Variants in RGS8 observed in about 807,000 individuals in gnomAD.
The protein encoded by RGS8 is regulator of G-protein signaling 8.
RGS8 carries 8 observed loss-of-function variants against 21.7 expected under a neutral mutation model. The observed-to-expected ratio is 0.37, with a 90% CI of 0.22 to 0.66. The LOEUF is 0.66. Among genes scored for constraint, RGS8 ranks in the 30% least tolerant of loss-of-function variants. The pLI is 0.59. For synonymous variants in RGS8, 80 were observed against 83.6 expected, an observed-to-expected ratio of 0.96 and a Z score of 0.24; for missense variants, 157 against 217.9, an observed-to-expected ratio of 0.72 and a Z score of 1.76.
the RGS8 span, among the ~76,000 whole-genome samples, chr1:182,727,572 A>T: frequency 2.6e-5 from 4 of 152,234 alleles, no homozygotes; most frequent in African/African-American, 9.6e-5. Context: ...AAATGGAATT[A>T]GATAACTAAA....
At chr1:182,657,938 A>G (rs768780541) in intron 5 of RGS8, among the ~76,000 whole-genome samples, 1 of 152,230 alleles carries the variant, frequency 6.6e-6, no homozygotes, top group Admixed American at 6.5e-5. Context: ...ACAGTTTGGG[A>G]AAATGGGAAG....
chr1:182,738,237 C>CT, the RGS8 span, among the ~76,000 whole-genome samples: 2 of 152,276 alleles, frequency 1.3e-5, no homozygotes, highest in South Asian at 4.1e-4. Context: ...AGAGCACAAG[C>CT]TATTCATTAG....
chr1:182,655,443 G>T (rs1663228518), intron 5 of RGS8, among the ~76,000 whole-genome samples: 2 of 152,248 alleles, frequency 1.3e-5, no homozygotes, highest in South Asian at 4.1e-4. Flanking sequence ...ATAGGCAGGA[G>T]AATTCAACTA....
the RGS8 span, among the ~76,000 whole-genome samples, chr1:182,703,924 T>C: frequency 6.6e-6 from 1 of 152,168 alleles, no homozygotes; most frequent in Admixed American, 6.5e-5. Context: ...CATTAACAAA[T>C]GGTACAGCAC....
At chr1:182,711,543 A>T in the RGS8 span, among the ~76,000 whole-genome samples, 1 of 152,246 alleles carries the variant, frequency 6.6e-6, no homozygotes, top group South Asian at 2.1e-4. Context: ...GGAGGAAAGG[A>T]GGACTGATAA....
chr1:182,698,698 G>A, the RGS8 span, among the ~76,000 whole-genome samples: 2 of 152,108 alleles, frequency 1.3e-5, no homozygotes, highest in East Asian at 1.9e-4. Context: ...ATATTATCAC[G>A]ATGAGAGTGA....
chr1:182,721,228 T>C, the RGS8 span, among the ~76,000 whole-genome samples: 1 of 151,874 alleles, frequency 6.6e-6, no homozygotes, highest in Non-Finnish European at 1.5e-5. Flanking sequence ...ATTTAGTGCC[T>C]ATCATGTCCC....
At chr1:182,669,135 T>C (rs545496094) in intron 3 of RGS8, among the ~76,000 whole-genome samples, 9 of 152,374 alleles carry the variant, frequency 5.9e-5, no homozygotes, top group African/African-American at 1.9e-4. Flanking sequence ...AAATATTCTT[T>C]GGGACAAAAT....
the RGS8 span, chr1:182,713,024 A>C: frequency 1.3e-5 from 2 of 152,222 alleles, no homozygotes; most frequent in African/African-American, 4.8e-5. Context: ...AAGTCAGCCA[A>C]AGTGGTATAA....
upstream of RGS8, chr1:182,672,739 T>C: frequency 6.5e-7 from 1 of 1,545,264 alleles, no homozygotes; most frequent in Non-Finnish European, 8.9e-7. Context: ...AGTGAGACTT[T>C]TCCTTTTGTT....
upstream of RGS8, chr1:182,672,319 A>C (rs115131184): frequency 2.8e-5 from 5 of 179,884 alleles, no homozygotes; most frequent in South Asian, 5.4e-4. Flanking sequence ...AGCCAGGAGG[A>C]GGGGGGCTGT....
At chr1:182,704,540 CCCAT>C in the RGS8 span, among the ~76,000 whole-genome samples, 1 of 152,320 alleles carries the variant, frequency 6.6e-6, no homozygotes, top group South Asian at 2.1e-4. Flanking sequence ...GCATCTTGGA[CCCAT>C]ATGCAGAATG....
chr1:182,734,408 A>G, the RGS8 span: 1 of 152,222 alleles, frequency 6.6e-6, no homozygotes, highest in Non-Finnish European at 1.5e-5. Context: ...ACAAGAAAAC[A>G]TCCCACCAGA....
chr1:182,720,968 TATATATAC>T, the RGS8 span, among the ~76,000 whole-genome samples: 3 of 53,052 alleles, frequency 5.7e-5, no homozygotes, highest in African/African-American at 1.8e-4. Context: ...CATATGTGTG[TATATATAC>T]ATATATACAC....
At chr1:182,721,001 A>G in the RGS8 span, among the ~76,000 whole-genome samples, 4 of 101,686 alleles carry the variant, frequency 3.9e-5, no homozygotes, top group South Asian at 2.9e-4. Flanking sequence ...ATATGTGTGT[A>G]TATATACATA....
At chr1:182,707,065 A>C in the RGS8 span, among the ~76,000 whole-genome samples, 1 of 152,100 alleles carries the variant, frequency 6.6e-6, no homozygotes, top group East Asian at 1.9e-4. Context: ...AGGCTGAGGC[A>C]GGAGAATAGC....
At chr1:182,710,572 C>T in the RGS8 span, among the ~76,000 whole-genome samples, 3 of 152,180 alleles carry the variant, frequency 2.0e-5, no homozygotes, top group East Asian at 5.8e-4. Context: ...CCCTCTCCCA[C>T]CAATGGGGAG....
At chr1:182,694,110 C>T in the RGS8 span, among the ~76,000 whole-genome samples, 1 of 151,778 alleles carries the variant, frequency 6.6e-6, no homozygotes, top group African/African-American at 2.4e-5. Context: ...TCGCATGTAC[C>T]CCTGAACCTA....
chr1:182,691,922 C>T, the RGS8 span, among the ~76,000 whole-genome samples: 3 of 152,072 alleles, frequency 2.0e-5, no homozygotes, highest in Admixed American at 2.0e-4. Context: ...CCAGTCTTTG[C>T]CCAAAGGCTC....
Sources: allele counts gnomAD v4.1 joint callset (sites outside exome capture counted in the v4.1 genomes callset), GRCh38; gene constraint gnomAD v4.1.1; transcripts MANE v1.5; gene names NCBI Gene and HGNC (gene_info 2026-07-23, HGNC 2026-07-21).